NFATC1: variants seen among roughly 807,000 people sequenced by gnomAD.
The protein encoded by NFATC1 is nuclear factor of activated T-cells, cytoplasmic 1.
NFATC1 carries 22 observed loss-of-function variants against 76.0 expected under a neutral mutation model. That is an observed-to-expected ratio of 0.29 (90% CI 0.21 to 0.41). The LOEUF (loss-of-function observed/expected upper bound fraction) is 0.41. Ranked by LOEUF, NFATC1 falls within the 10% of genes least tolerant of loss-of-function variation. The probability of loss-of-function intolerance (pLI) is 1.00; values close to 1 mark genes in which losing one functional copy is unlikely to be tolerated. For missense variants in NFATC1, 1,357 were observed against 1,337.7 expected, an observed-to-expected ratio of 1.01 and a Z score of -0.23; for synonymous variants, 704 against 613.1, an observed-to-expected ratio of 1.15 and a Z score of -2.19.
chr18:79,456,045 G>A (rs369471304), intron 6 of NFATC1, among the ~76,000 whole-genome samples: 13 of 152,312 alleles, frequency 8.5e-5, no homozygotes, highest in South Asian at 4.1e-4. Context: ...CCATGGGACC[G>A]TGACCGGTGT....
intron 1 of NFATC1, among the ~76,000 whole-genome samples, chr18:79,408,553 G>A (rs2085520678): frequency 6.6e-6 from 1 of 152,228 alleles, no homozygotes; most frequent in Admixed American, 6.5e-5. Context: ...GGATTCGTAG[G>A]ATATGAGCCA....
At chr18:79,396,537 C>G (rs8096658) in intron 1 of NFATC1, among the ~76,000 whole-genome samples, 186 bp downstream of exon 1, 59,734 of 151,910 alleles carry the variant, frequency 0.39, 12,900 homozygotes, top group Non-Finnish European at 0.49. Context: ...CCCAGCAGCC[C>G]GGTTCCGAGC....
At position 79,471,298 on chromosome 18, in the gene NFATC1, C is replaced by T. The variant is rs145577658; in HGVS notation, c.2092+3716C>T. On this transcript the variant is annotated intron_variant, in intron 8 of 9. Transcript: ENST00000427363. ...CCCTGCCCAGGTCTGGTTAGAAAGG[C>T]GGCGTCCGCGTGGCCTGGGGCTTGT... 2.5e-3 allele frequency among the ~76,000 whole-genome samples: 375 copies of T among 152,186 alleles called. 1 individual carries two copies. The highest frequency in any genetic ancestry group is 8.5e-3 in the African/African-American group (354 of 41,518).
In NFATC1 at chr18:79,461,515, A is replaced by T. The variant is rs1353239266; in HGVS notation, c.1959+149A>T. ...ACAAATAAAAATAGTGCATAGAGTA[A>T]CAGAACCAGTAACAAACAGGATCAC... On this transcript the variant is annotated intron_variant, in intron 7 of 9. Coordinates refer to ENST00000427363, the MANE Select transcript of NFATC1 (RefSeq NM_001278669.2). 3 of 526,410 alleles carry T rather than the reference A, an allele frequency of 5.7e-6. No homozygotes were observed. The African/African-American group carries it at 1.8e-4, about 31-fold the overall frequency. The allele number at this position is 526,410 out of a possible 1,614,324, so 32.6% of individuals were successfully genotyped here.
rs762740419 is a variant in NFATC1, at chr18:79,527,486, T to C, written c.2783-42T>C. ...GCTGGGGGCGTTGCTTTGATGTTTA[T>C]GGTATTTCTCTAATACTTTCTCAAT... On this transcript the variant is annotated intron_variant, in intron 9 of 9. Coordinates refer to ENST00000427363, the MANE Select transcript of NFATC1 (RefSeq NM_001278669.2). 49 of 1,540,224 alleles carry C rather than the reference T, an allele frequency of 3.2e-5. 1 individual carries two copies. Among genetic ancestry groups the C allele is most frequent in the Non-Finnish European group, 4.2e-5 (47 of 1,113,262 alleles).
At chr18:79,425,099 ATC>A (rs1211933616) in intron 2 of NFATC1, among the ~76,000 whole-genome samples, 9 of 65,680 alleles carry the variant, frequency 1.4e-4, no homozygotes, top group South Asian at 9.8e-4. Context: ...CTGTCTCTCC[ATC>A]TCTCTGTCTC....
chr18:79,485,669 C>G (rs901071467), intron 8 of NFATC1, among the ~76,000 whole-genome samples: 31 of 152,372 alleles, frequency 2.0e-4, no homozygotes, highest in African/African-American at 7.0e-4. Context: ...CCATCCAAGG[C>G]TGCCCGGTCA....
At chr18:79,398,000 C>T (rs2148116914) in intron 1 of NFATC1, among the ~76,000 whole-genome samples, 1 of 152,314 alleles carries the variant, frequency 6.6e-6, no homozygotes, top group South Asian at 2.1e-4. Flanking sequence ...AGCATGGGGA[C>T]ACGCGTGGTT....
chr18:79,484,533 C>T (rs569289839), intron 8 of NFATC1, among the ~76,000 whole-genome samples: 2 of 151,812 alleles, frequency 1.3e-5, no homozygotes, highest in African/African-American at 4.8e-5. Flanking sequence ...ACCTCGATCT[C>T]CCCACTCAGT....
intron 3 of NFATC1, among the ~76,000 whole-genome samples, chr18:79,439,431 A>G (rs2086894965): frequency 6.6e-6 from 1 of 152,262 alleles, no homozygotes; most frequent in South Asian, 2.1e-4. Context: ...ACAAAACCAC[A>G]CGCCACGGCA....
intron 8 of NFATC1, chr18:79,467,872 C>G: frequency 8.4e-7 from 1 of 1,191,374 alleles, no homozygotes; most frequent in Non-Finnish European, 1.0e-6. Flanking sequence ...GAAAACATGG[C>G]TCTTCTGCTC....
At position 79,486,445 on chromosome 18, in the gene NFATC1, G is replaced by C; in HGVS notation, c.2290G>C (p.Val764Leu). The change falls in exon 9 of 10, where the codon GTG becomes CTG. Residue 764 changes from valine (V) to leucine (L), a missense_variant. By Grantham distance (32) the Val-to-Leu change is conservative. Transcript: ENST00000427363. The stretch of plus-strand genomic sequence containing the variant: ...CACCCTGATGCCAGCGGCCCCTGGC[G>C]TGAGCCCCAAGCTCCACGACCTTTC... ...RSTLMPAAPG[V>L]SPKLHDLSPA... The C allele has an allele frequency of 6.2e-7, 1 of 1,611,732 alleles. No individual in the cohort carries two copies. The highest frequency in any genetic ancestry group is 8.5e-7 in the Non-Finnish European group (1 of 1,179,868).
intron 1 of NFATC1, among the ~76,000 whole-genome samples, chr18:79,398,469 A>T (rs2085076240): frequency 6.6e-6 from 1 of 152,220 alleles, no homozygotes; most frequent in African/African-American, 2.4e-5. Context: ...GTGTCTGTGG[A>T]ACGGGCAGCT....
At chr18:79,519,139 G>A (rs930876015) in intron 9 of NFATC1, among the ~76,000 whole-genome samples, 2 of 152,178 alleles carry the variant, frequency 1.3e-5, no homozygotes, top group Non-Finnish European at 2.9e-5. Context: ...GCCTCCGGCG[G>A]CTGGCAGGCT....
intron 1 of NFATC1, among the ~76,000 whole-genome samples, chr18:79,398,999 G>A (rs2085094054): frequency 6.6e-6 from 1 of 152,204 alleles, no homozygotes; most frequent in South Asian, 2.1e-4. Flanking sequence ...CTCGGAAGGC[G>A]GAGGTTGCAG....
chr18:79,502,396 C>G (rs2090033190), intron 9 of NFATC1, among the ~76,000 whole-genome samples: 1 of 152,170 alleles, frequency 6.6e-6, no homozygotes, highest in South Asian at 2.1e-4. Flanking sequence ...ATGAGGAACT[C>G]TTTCAAGACT....
intron 1 of NFATC1, among the ~76,000 whole-genome samples, chr18:79,399,296 C>G (rs747040028): frequency 6.6e-6 from 1 of 152,370 alleles, no homozygotes; most frequent in East Asian, 1.9e-4. Flanking sequence ...GGGAGAAGCC[C>G]GGGGACGACC....
In NFATC1 at chr18:79,465,220, T is replaced by G. The variant is rs1372588364; in HGVS notation, c.1960-2230T>G. On this transcript the variant is annotated intron_variant, in intron 7 of 9. Coordinates refer to ENST00000427363, the MANE Select transcript of NFATC1 (RefSeq NM_001278669.2). This position sits in a 1 kb window ranked among gnomAD's most constrained non-coding sequence, Gnocchi z 4.2. ...CTTTATCGCTTCCTTCTGTGTGTAT[T>G]TAAGTGGCAGTGCTCCCACGGAGAT... Among the ~76,000 whole-genome samples, 3 of 152,236 alleles carry G rather than the reference T, an allele frequency of 2.0e-5. No individual in the cohort carries two copies. In the East Asian group the frequency reaches 5.8e-4, roughly 29 times the overall value.
chr18:79,402,369 G>A (rs551371372), intron 1 of NFATC1: 9 of 985,434 alleles, frequency 9.1e-6, no homozygotes, highest in South Asian at 4.7e-5. Context: ...GCAGGTGGCC[G>A]CCTTCCAGGT....
Sources: gnomAD v4.1 joint callset for allele counts (sites outside exome capture counted in the v4.1 genomes callset) on GRCh38, gnomAD v4.1.1 for gene constraint, Gnocchi (gnomAD v3.1) non-coding constraint, MANE v1.5 for transcripts, NCBI Gene and HGNC (gene_info 2026-07-23, HGNC 2026-07-21) for gene names.